The following SYNE2 variants were observed in gnomAD, a reference collection of about 807,000 sequenced individuals.
SYNE2 encodes the protein nesprin-2.
SYNE2 carries 431 observed loss-of-function variants against 856.3 expected under a neutral mutation model. The observed-to-expected ratio is 0.50, with a 90% confidence interval of 0.47 to 0.55. SYNE2 has a LOEUF of 0.55. Ranked by LOEUF, SYNE2 falls within the 20% of genes least tolerant of loss-of-function variation. The probability of loss-of-function intolerance (pLI) is 0.00; values close to 1 mark genes in which losing one functional copy is unlikely to be tolerated. For synonymous variants in SYNE2, 2,923 were observed against 2,872.3 expected (o/e 1.02, Z -0.56); for missense variants, 8,129 against 8,023.2 (o/e 1.01, Z -0.50).
chr14:63,849,353 T>C (rs1172303355), upstream of SYNE2, among the ~76,000 whole-genome samples: 1 of 151,632 alleles, frequency 6.6e-6, no homozygotes, highest in African/African-American at 2.4e-5. Context: ...TTAATGAATA[T>C]TATACCTGCT....
intron 1 of SYNE2, among the ~76,000 whole-genome samples, chr14:63,804,539 G>C (rs1254457450): frequency 1.3e-5 from 2 of 151,848 alleles, no homozygotes; most frequent in African/African-American, 4.8e-5. Flanking sequence ...TGTTGCCCAG[G>C]CTGGAGTGCA....
chr14:63,856,607 T>C (rs908226836), intron 1 of SYNE2, among the ~76,000 whole-genome samples: 4 of 152,232 alleles, frequency 2.6e-5, no homozygotes, highest in African/African-American at 9.7e-5. Flanking sequence ...TAAGAAATAA[T>C]ATTAAATACA....
chr14:64,100,531 A>AAAATATAT (rs1491537041), intron 63 of SYNE2, among the ~76,000 whole-genome samples: 16 of 39,468 alleles, frequency 4.1e-4, no homozygotes, highest in Admixed American at 1.7e-3. Flanking sequence ...AAAAAAAAAA[A>AAAATATAT]ATATATATAT....
intron 1 of SYNE2, among the ~76,000 whole-genome samples, chr14:63,898,101 G>A (rs1222657877): frequency 6.6e-6 from 1 of 152,118 alleles, no homozygotes; most frequent in East Asian, 1.9e-4. Context: ...CCTAATGTAT[G>A]CAAACCGTAA....
chr14:63,971,195 T>C (rs1190444712), intron 11 of SYNE2, among the ~76,000 whole-genome samples: 1 of 151,188 alleles, frequency 6.6e-6, no homozygotes, highest in African/African-American at 2.4e-5. Flanking sequence ...AACTGCAACC[T>C]CTGCTTCCCG....
chr14:64,203,757 CA>C (rs2098591012), intron 100 of SYNE2, among the ~76,000 whole-genome samples: 1 of 152,176 alleles, frequency 6.6e-6, no homozygotes, highest in Admixed American at 6.5e-5. Flanking sequence ...ACCATAGAAG[CA>C]GTATGATTCT....
In SYNE2 at chr14:64,065,509, G is replaced by T. The variant is rs780399811; in HGVS notation, c.10290G>T (p.Arg3430Ser). The change falls in exon 51 of 116, where the codon AGG becomes AGT. Residue 3430 changes from arginine to serine, a missense_variant. Transcript: ENST00000555002. ...AGATCCTTAGACTCTTGAGACTCAGGTGCACAGAAAATGATGGCATATGTT... is the reference window on the plus strand; with the variant it reads ...AGATCCTTAGACTCTTGAGACTCAGTTGCACAGAAAATGATGGCATATGTT... ...LRQILRLLRL[R>S]CTENDGICLL... 1.2e-6 allele frequency: 2 copies of T among 1,613,986 alleles called. No homozygotes were observed. Among genetic ancestry groups the T allele is most frequent in the Admixed American group, 3.3e-5 (2 of 59,972 alleles).
chr14:63,940,981 G>A (rs973235372), intron 3 of SYNE2, among the ~76,000 whole-genome samples: 1 of 152,156 alleles, frequency 6.6e-6, no homozygotes, highest in African/African-American at 2.4e-5. Context: ...TATAATAAAT[G>A]TTATATATTA....
chr14:64,011,413 T>G (rs1338941020), intron 32 of SYNE2, among the ~76,000 whole-genome samples: 2 of 152,160 alleles, frequency 1.3e-5, no homozygotes, highest in Admixed American at 1.3e-4. Context: ...TTCAGTAGAT[T>G]TAAAGAGCTC....
intron 102 of SYNE2, 168 bp from the exon 103 acceptor site, chr14:64,209,774 C>T (rs748268791): frequency 4.4e-6 from 5 of 1,145,036 alleles, no homozygotes; most frequent in Non-Finnish European, 6.4e-6. Context: ...ATGTAATGAA[C>T]TTGAAAGCCT....
chr14:63,831,941 A>T (rs533054770), intron 1 of SYNE2, among the ~76,000 whole-genome samples: 6 of 152,146 alleles, frequency 3.9e-5, no homozygotes, highest in East Asian at 3.9e-4. Flanking sequence ...TATTTTTTTT[A>T]AATTTCAATA....
At chr14:64,201,304 A>G (rs999344311) in intron 99 of SYNE2, among the ~76,000 whole-genome samples, 9 of 152,116 alleles carry the variant, frequency 5.9e-5, no homozygotes, top group Admixed American at 2.6e-4. Context: ...CTAAATCTTA[A>G]AAGTAGCTGG....
chr14:63,792,164 A>G lies in SYNE2; in HGVS notation c.-305+30178A>G, dbSNP rs117803538. Reference sequence around the variant, plus strand: ...AATTAAACACTCCAATTAAAAGCAGAGATTATCAGATAAATAAATAGGGTT... The same window carrying G: ...AATTAAACACTCCAATTAAAAGCAGGGATTATCAGATAAATAAATAGGGTT... On this transcript the variant is annotated intron_variant, in intron 1 of 23. Transcript: ENST00000674003. Among the ~76,000 whole-genome samples, 1,482 of 152,274 alleles carry G rather than the reference A, an allele frequency of 9.7e-3. 28 individuals are homozygous for G. In the East Asian group the frequency reaches 0.11, roughly 11 times the overall value.
At chr14:64,098,633 G>A in intron 62 of SYNE2, 114 bp from the exon 63 acceptor site, 2 of 1,027,358 alleles carry the variant, frequency 1.9e-6, no homozygotes, top group Non-Finnish European at 3.0e-6. Flanking sequence ...GTGGGGGTGG[G>A]CATCTTGGAT....
chr14:64,075,627 C>A, intron 53 of SYNE2: 1 of 174,956 alleles, frequency 5.7e-6, no homozygotes, highest in Non-Finnish European at 1.2e-5. Flanking sequence ...CTGCTTGCAG[C>A]TTTTTAGATC....
At chr14:63,867,397 A>G (rs1413973037) in intron 1 of SYNE2, among the ~76,000 whole-genome samples, 27 of 148,080 alleles carry the variant, frequency 1.8e-4, no homozygotes, top group East Asian at 5.9e-4. Flanking sequence ...AAAAAAAAAA[A>G]AGAGAGAGAG....
Position 64,170,424 on chromosome 14 carries a change from A to G in SYNE2, c.17197A>G (p.Ser5733Gly). 1 of 1,613,910 alleles carries G rather than the reference A, an allele frequency of 6.2e-7. No individual in the cohort carries two copies. Among genetic ancestry groups the G allele is most frequent in the African/African-American group, 1.3e-5 (1 of 75,056 alleles). Residue 5733 changes from serine to glycine, a missense_variant, in exon 94 of 116, where the codon AGC (serine) becomes GGC (glycine). Ser to Gly is a moderately conservative substitution (Grantham distance 56). Around this residue, in one of 3 missense-constraint regions of SYNE2, gnomAD observed 5,410 missense variants for 5,284.8 expected, o/e 1.02. Transcript: ENST00000555002. ...LSAVKGQERF[S>G]LYQTRSLIHE... ...TGCAGTGAAGGGCCAGGAGCGCTTC[A>G]GCCTCTACCAAACCAGAAGTCTGAT...
intron 63 of SYNE2, among the ~76,000 whole-genome samples, chr14:64,101,034 T>C (rs2097724773): frequency 1.3e-5 from 2 of 152,172 alleles, no homozygotes; most frequent in Admixed American, 1.3e-4. Context: ...ATAACCACAT[T>C]TTCTTTATCC....
intron 66 of SYNE2, among the ~76,000 whole-genome samples, chr14:64,113,797 C>G (rs779970447): frequency 6.6e-6 from 1 of 152,204 alleles, no homozygotes; most frequent in Non-Finnish European, 1.5e-5. Context: ...AAATCCAGCT[C>G]TGTCACATTA....
Sources: allele counts gnomAD v4.1 joint callset (sites outside exome capture counted in the v4.1 genomes callset), GRCh38; gene constraint gnomAD v4.1.1; regional missense constraint gnomAD v4.1.1; transcripts MANE v1.5; gene names NCBI Gene and HGNC (gene_info 2026-07-23, HGNC 2026-07-21).